The following ANK3 variants were observed in gnomAD, a reference collection of about 807,000 sequenced individuals.
ANK3 encodes ankyrin 3, also known as ankyrin-3.
ANK3 carries 57 observed loss-of-function variants against 370.9 expected under a neutral mutation model. The ratio of observed to expected loss-of-function variants is 0.15; its 90% CI spans 0.12 to 0.19. ANK3 has a LOEUF of 0.19. Ranked by LOEUF, ANK3 falls within the 10% of genes least tolerant of loss-of-function variation. ANK3 has a pLI of 1.00. For missense variants in ANK3, 4,439 were observed against 5,302.1 expected (o/e 0.84, Z 5.06); for synonymous variants, 1,929 against 1,946.3 (o/e 0.99, Z 0.23).
intron 2 of ANK3, among the ~76,000 whole-genome samples, chr10:60,424,329 G>C (rs1345536157): frequency 6.6e-6 from 1 of 151,912 alleles, no homozygotes; most frequent in Non-Finnish European, 1.5e-5. Flanking sequence ...ACCAATAAGA[G>C]AATCTAGAAA....
intron 1 of ANK3, among the ~76,000 whole-genome samples, chr10:60,349,358 C>A (rs903952918): frequency 6.6e-6 from 1 of 152,128 alleles, no homozygotes; most frequent in Non-Finnish European, 1.5e-5. Flanking sequence ...TGTTATAGCT[C>A]TGGCAGGAAA....
intron 1 of ANK3, among the ~76,000 whole-genome samples, chr10:60,685,455 C>T (rs918009046): frequency 6.6e-6 from 1 of 151,966 alleles, no homozygotes; most frequent in African/African-American, 2.4e-5. Context: ...AGAAAATGCT[C>T]ATTAAAGTTC....
chr10:60,350,879 C>T (rs1359468897), intron 1 of ANK3, among the ~76,000 whole-genome samples: 5 of 152,166 alleles, frequency 3.3e-5, no homozygotes, highest in African/African-American at 9.6e-5. Context: ...CCCTTTGATA[C>T]TTCCCAGGGC....
At chr10:60,437,505 T>C (rs2064188120) in intron 2 of ANK3, among the ~76,000 whole-genome samples, 1 of 152,216 alleles carries the variant, frequency 6.6e-6, no homozygotes, top group Non-Finnish European at 1.5e-5. Context: ...CAGGATCTGA[T>C]GTAAAGCAGT....
intron 1 of ANK3, among the ~76,000 whole-genome samples, chr10:60,371,558 A>G (rs145058384): frequency 4.6e-4 from 70 of 152,336 alleles, no homozygotes; most frequent in African/African-American, 1.5e-3. Flanking sequence ...CAAAACATGT[A>G]TGTTTCATAT....
chr10:60,242,267 C>T (rs1289554535), intron 7 of ANK3, among the ~76,000 whole-genome samples: 1 of 152,120 alleles, frequency 6.6e-6, no homozygotes, highest in African/African-American at 2.4e-5. Flanking sequence ...ACTAAGATCA[C>T]TTATGATTTG....
intron 42 of ANK3, among the ~76,000 whole-genome samples, chr10:60,053,955 C>T (rs1254448085): frequency 6.6e-6 from 1 of 152,122 alleles, no homozygotes; most frequent in African/African-American, 2.4e-5. Context: ...ATATCAGAGG[C>T]ACAAACTCAT....
At chr10:60,628,229 G>T (rs927496486) in intron 1 of ANK3, among the ~76,000 whole-genome samples, 1 of 152,044 alleles carries the variant, frequency 6.6e-6, no homozygotes, top group Non-Finnish European at 1.5e-5. Flanking sequence ...ATTTATAGGT[G>T]AACGTCATTG....
At chr10:60,322,161 CA>C (rs2048814265) in intron 1 of ANK3, among the ~76,000 whole-genome samples, 1 of 152,172 alleles carries the variant, frequency 6.6e-6, no homozygotes, top group African/African-American at 2.4e-5. Flanking sequence ...TACAAAGATT[CA>C]TTTTTTTACA....
At chr10:60,246,373 CAA>C (rs1338500498) in intron 7 of ANK3, among the ~76,000 whole-genome samples, 1 of 147,056 alleles carries the variant, frequency 6.8e-6, no homozygotes, top group Non-Finnish European at 1.5e-5. Context: ...TCTTTTTAGA[CAA>C]AGTCCTTTTC....
chr10:60,315,486 A>C (rs1365793719), intron 1 of ANK3, among the ~76,000 whole-genome samples: 1 of 152,170 alleles, frequency 6.6e-6, no homozygotes, highest in Non-Finnish European at 1.5e-5. Flanking sequence ...CAATGATTCA[A>C]GCACTTATCA....
At chr10:60,229,805 T>C (rs1432082505) in intron 8 of ANK3, among the ~76,000 whole-genome samples, 1 of 152,174 alleles carries the variant, frequency 6.6e-6, no homozygotes, top group African/African-American at 2.4e-5. Context: ...AGCAAACACT[T>C]ATTAGGCATT....
intron 2 of ANK3, among the ~76,000 whole-genome samples, chr10:60,495,042 T>G (rs535184402): frequency 3.9e-5 from 6 of 152,036 alleles, no homozygotes; most frequent in Non-Finnish European, 8.8e-5. Flanking sequence ...AGCCAGAACA[T>G]GTCATCGCTC....
intron 2 of ANK3, among the ~76,000 whole-genome samples, chr10:60,471,557 C>T (rs1297065827): frequency 6.6e-6 from 1 of 152,080 alleles, no homozygotes; most frequent in Non-Finnish European, 1.5e-5. Flanking sequence ...GATTCTTATA[C>T]ATTATCATGA....
chr10:60,408,704 G>C (rs765508903), intron 2 of ANK3, among the ~76,000 whole-genome samples: 1 of 152,106 alleles, frequency 6.6e-6, no homozygotes, highest in African/African-American at 2.4e-5. Flanking sequence ...TTACTCCTTT[G>C]GGGACCAAAG....
chr10:60,641,734 G>T (rs1588959498), intron 1 of ANK3, among the ~76,000 whole-genome samples: 1 of 152,120 alleles, frequency 6.6e-6, no homozygotes, highest in African/African-American at 2.4e-5. Flanking sequence ...AGGACTTCAT[G>T]TCTAAAACAC....
chr10:60,125,409 C>T (rs2132151177), intron 25 of ANK3, among the ~76,000 whole-genome samples: 1 of 152,228 alleles, frequency 6.6e-6, no homozygotes, highest in Non-Finnish European at 1.5e-5. Context: ...AACTTCTCTG[C>T]CTTAAAACAA....
Position 60,073,105 on chromosome 10 carries a change from T to A in ANK3, c.7776A>T (p.Ser2592=). The A allele has an allele frequency of 6.2e-7, 1 of 1,614,166 alleles. No homozygotes were observed. The highest frequency in any genetic ancestry group is 8.5e-7 in the Non-Finnish European group (1 of 1,180,016). ...KEAEEKLTEV[S]QFFRDKTEKL... is the part of the protein sequence containing the mutation. ...TTTCAGTTTTGTCACGAAAAAACTG[T>A]GACACTTCAGTCAGTTTTTCTTCAG... Residue 2592 remains serine (S), a synonymous_variant, in exon 37 of 44, where the codon TCA becomes TCT. Coordinates refer to ENST00000280772, the MANE Select transcript of ANK3 (RefSeq NM_020987.5).
chr10:60,513,042 A>T (rs1328416766), intron 2 of ANK3, among the ~76,000 whole-genome samples: 1 of 150,968 alleles, frequency 6.6e-6, no homozygotes, highest in Non-Finnish European at 1.5e-5. Context: ...GAGGAAAAAT[A>T]AAAAATTGAC....
Sources: gnomAD v4.1 joint callset for allele counts (sites outside exome capture counted in the v4.1 genomes callset) on GRCh38, gnomAD v4.1.1 for gene constraint, MANE v1.5 for transcripts, NCBI Gene and HGNC (gene_info 2026-07-23, HGNC 2026-07-21) for gene names.